The following RAB27A variants were observed in gnomAD, a reference collection of about 807,000 sequenced individuals.
RAB27A encodes ras-related protein Rab-27A.
RAB27A carries 17 observed loss-of-function variants against 20.8 expected under a neutral mutation model. The ratio of observed to expected loss-of-function variants is 0.82; its 90% CI spans 0.56 to 1.23. The LOEUF is 1.23. Ranked by LOEUF, RAB27A falls within the 50% of genes most tolerant of loss-of-function variation. The pLI is 0.00. For missense variants in RAB27A, 277 were observed against 266.7 expected (o/e 1.04, Z -0.27); for synonymous variants, 85 against 92.8 (o/e 0.92, Z 0.48).
Position 55,221,653 on chromosome 15 carries a change from C to T in RAB27A, c.467+2236G>A, listed in dbSNP as rs569729660. 7.2e-5 allele frequency among the ~76,000 whole-genome samples: 11 copies of T among 152,268 alleles called. No individual in the cohort carries two copies. The East Asian group carries it at 1.9e-3, about 27-fold the overall frequency. ...AGGCTAAACAACATTTCCCAGAATG[C>T]CCTTTCTGGTTAGGGTGGGCCACAA... On this transcript the variant is annotated intron_variant, in intron 6 of 6. Transcript: ENST00000336787.
In RAB27A at chr15:55,274,794, T is replaced by TTTTATATATATATATA. The variant is rs1491185564; in HGVS notation, c.-142-4511_-142-4510insTATATATATATATAAA. On this transcript the variant is annotated intron_variant, in intron 1 of 6. Coordinates refer to ENST00000336787, the MANE Select transcript of RAB27A (RefSeq NM_183235.3). ...ATCCGTCCTTAAAAAAATAAATAAA[T>TTTTATATATATATATA]TATATATATATATATATATATATAT... is the stretch of plus-strand genomic sequence containing the variant. 6.1e-3 allele frequency among the ~76,000 whole-genome samples: 319 copies of TTTTATATATATATATA among 52,150 alleles called. 6 individuals are homozygous for TTTTATATATATATATA. Among genetic ancestry groups the TTTTATATATATATATA allele is most frequent in the Non-Finnish European group, 9.7e-3 (223 of 22,982 alleles). 34.2% of individuals were successfully genotyped at this position (52,150 alleles called of 152,430 possible).
chr15:55,262,921 A>ACATATTTTT (rs1897328517), intron 2 of RAB27A, among the ~76,000 whole-genome samples: 1 of 152,166 alleles, frequency 6.6e-6, no homozygotes, highest in Non-Finnish European at 1.5e-5. Context: ...GATTTTTGGT[A>ACATATTTTT]CATATTTTTA....
chr15:55,275,535 G>A (rs895058433), intron 1 of RAB27A, among the ~76,000 whole-genome samples: 7 of 151,896 alleles, frequency 4.6e-5, no homozygotes, highest in East Asian at 3.9e-4. Context: ...GCTGAGGCAC[G>A]AGAATCACTT....
chr15:55,263,621 A>G (rs1205385854), intron 2 of RAB27A, among the ~76,000 whole-genome samples: 1 of 152,246 alleles, frequency 6.6e-6, no homozygotes, highest in Non-Finnish European at 1.5e-5. Flanking sequence ...GAGACAAGGA[A>G]TAACGTTTAT....
chr15:55,206,031 G>A (rs903285736), intron 6 of RAB27A, among the ~76,000 whole-genome samples: 2 of 151,546 alleles, frequency 1.3e-5, no homozygotes, highest in African/African-American at 2.4e-5. Flanking sequence ...GCCAACATGC[G>A]GAAACCCCAT....
chr15:55,209,923 C>CATATGTGTGTATATACGTATATAT (rs1566896471), intron 6 of RAB27A, among the ~76,000 whole-genome samples: 1 of 82,542 alleles, frequency 1.2e-5, no homozygotes, highest in African/African-American at 8.5e-5. Flanking sequence ...TGTATATACA[C>CATATGTGTGTATATACGTATATAT]ACATATATGT....
chr15:55,255,800 C>T (rs1031725281), intron 2 of RAB27A, among the ~76,000 whole-genome samples: 7 of 151,986 alleles, frequency 4.6e-5, no homozygotes, highest in East Asian at 1.9e-4. Flanking sequence ...TACTCATTTA[C>T]GAAAAAGGAC....
chr15:55,232,400 A>C (rs1324651838), intron 3 of RAB27A, among the ~76,000 whole-genome samples: 1 of 152,222 alleles, frequency 6.6e-6, no homozygotes, highest in Non-Finnish European at 1.5e-5. Context: ...TAGACACATT[A>C]TTTTAAATGT....
At chr15:55,217,663 CAAAAAAAAAA>C (rs199813098) in intron 6 of RAB27A, among the ~76,000 whole-genome samples, 7 of 43,544 alleles carry the variant, frequency 1.6e-4, no homozygotes, top group African/African-American at 3.5e-4. Context: ...CACTCCATCT[CAAAAAAAAAA>C]AAAAAAAAAA....
intron 2 of RAB27A, among the ~76,000 whole-genome samples, chr15:55,303,881 G>A (rs1366071622): frequency 2.7e-4 from 39 of 144,350 alleles, no homozygotes; most frequent in Admixed American, 8.1e-4. Flanking sequence ...CCGTCCGGGA[G>A]GTGAGGGGCG....
intron 6 of RAB27A, among the ~76,000 whole-genome samples, chr15:55,215,494 T>C (rs1008451062): frequency 2.8e-4 from 42 of 149,028 alleles, no homozygotes; most frequent in African/African-American, 9.7e-4. Context: ...CTACTAAAAA[T>C]ACAAAAAATT....
intron 2 of RAB27A, among the ~76,000 whole-genome samples, chr15:55,262,376 C>T (rs1174659118): frequency 6.6e-6 from 1 of 151,704 alleles, no homozygotes; most frequent in African/African-American, 2.4e-5. Context: ...CTCGTCTCTA[C>T]TCAAAATACA....
chr15:55,300,726 C>T (rs12907135), intron 2 of RAB27A, among the ~76,000 whole-genome samples: 6,589 of 151,962 alleles, frequency 0.043, 225 homozygotes, highest in Middle Eastern at 0.058. Context: ...ATATAGTTTT[C>T]ATAAAGGCAG....
intron 2 of RAB27A, among the ~76,000 whole-genome samples, chr15:55,264,993 A>G (rs1399628418): frequency 6.6e-6 from 1 of 152,214 alleles, no homozygotes; most frequent in Non-Finnish European, 1.5e-5. Context: ...CTGTAATCCT[A>G]GCACTTTGGG....
chr15:55,221,423 C>T (rs970934834), intron 6 of RAB27A, among the ~76,000 whole-genome samples: 1 of 152,152 alleles, frequency 6.6e-6, no homozygotes, highest in African/African-American at 2.4e-5. Flanking sequence ...CTGTGGTAAT[C>T]GTTCTCTCCC....
intron 3 of RAB27A, among the ~76,000 whole-genome samples, chr15:55,232,248 A>C (rs151049184): frequency 6.6e-6 from 1 of 152,334 alleles, no homozygotes; most frequent in East Asian, 1.9e-4. Context: ...CTGAGCAGAG[A>C]CTTCAGTAGC....
intron 1 of RAB27A, chr15:55,317,282 T>G (rs1355593362): frequency 1.3e-5 from 2 of 154,816 alleles, no homozygotes; most frequent in African/African-American, 4.8e-5. Flanking sequence ...AAGCAATTAT[T>G]ACAGTTCATC....
intron 4 of RAB27A, 98 bp downstream of exon 4, chr15:55,230,303 C>T: frequency 5.0e-6 from 6 of 1,195,616 alleles, no homozygotes; most frequent in Non-Finnish European, 7.5e-6. Flanking sequence ...TGCAAACCAA[C>T]GAATTGGCTG....
rs371060436 is a variant in RAB27A at position 55,205,709 on chromosome 15, G to A, written c.468-4C>T. Reference sequence around the variant, plus strand: ...ACTAGTTTCAAAGTAGGGGATTCTGGAAGACAGAGACAACTGAGGTAACAA... The same window carrying A: ...ACTAGTTTCAAAGTAGGGGATTCTGAAAGACAGAGACAACTGAGGTAACAA... On this transcript the variant is annotated splice_polypyrimidine_tract_variant and splice_region_variant and intron_variant, in intron 6 of 6. Transcript: ENST00000336787. 193 of 1,610,576 alleles carry A rather than the reference G, an allele frequency of 1.2e-4. No individual in the cohort carries two copies. The highest frequency in any genetic ancestry group is 1.6e-4 in the Non-Finnish European group (188 of 1,176,856).
Sources: gnomAD v4.1 joint callset for allele counts (sites outside exome capture counted in the v4.1 genomes callset) on GRCh38, gnomAD v4.1.1 for gene constraint, MANE v1.5 for transcripts, NCBI Gene and HGNC (gene_info 2026-07-23, HGNC 2026-07-21) for gene names.